ETAA1: variants seen among roughly 807,000 people sequenced by gnomAD.
ETAA1 encodes the protein ETAA1 activator of ATR kinase, also known as ewing's tumor-associated antigen 1.
ETAA1 carries 49 observed loss-of-function variants against 76.8 expected under a neutral mutation model. That is an observed-to-expected ratio of 0.64 (90% CI 0.51 to 0.81). ETAA1 has a LOEUF of 0.81. Among genes scored for constraint, ETAA1 ranks in the 30% least tolerant of loss-of-function variants. The pLI is 0.00. For missense variants in ETAA1, 1,099 were observed against 1,074.0 expected (o/e 1.02, Z -0.32); for synonymous variants, 373 against 372.2 (o/e 1.00, Z -0.03).
At chr2:67,398,065 C>T (rs964346472) in intron 1 of ETAA1, among the ~76,000 whole-genome samples, 3 of 152,106 alleles carry the variant, frequency 2.0e-5, no homozygotes, top group African/African-American at 4.8e-5. Context: ...TCCCTGTGAC[C>T]TGCTTTAGAG....
At chr2:67,407,217 T>TA (rs1676244045) in intron 5 of ETAA1, among the ~76,000 whole-genome samples, 1 of 137,056 alleles carries the variant, frequency 7.3e-6, no homozygotes, top group Non-Finnish European at 1.6e-5. Context: ...ACACATAAGA[T>TA]ACACTGACAC....
At position 67,410,179 on chromosome 2, in the gene ETAA1, A is replaced by G. The variant is rs955513269; in HGVS notation, c.*141A>G. 3 of 738,222 alleles carry G rather than the reference A, an allele frequency of 4.1e-6. No homozygotes were observed. The highest frequency in any genetic ancestry group is 2.8e-5 in the East Asian group (1 of 36,076). 45.7% of individuals were successfully genotyped at this position (738,222 alleles called of 1,614,324 possible). A position where few individuals can be genotyped will look rare whatever the true frequency, so the allele number is the denominator to read the frequency against. ...GACTTCTACTTTATTTAATAAATCAATGTTTGCAATGGTAAATGAAACATT... is the reference window on the plus strand; with the variant it reads ...GACTTCTACTTTATTTAATAAATCAGTGTTTGCAATGGTAAATGAAACATT... On this transcript the variant is annotated 3_prime_UTR_variant, in exon 6 of 6. Coordinates refer to ENST00000272342, the MANE Select transcript of ETAA1 (RefSeq NM_019002.4).
chr2:67,400,236 T>G (rs1348771155), intron 3 of ETAA1: 2 of 152,252 alleles, frequency 1.3e-5, no homozygotes, highest in African/African-American at 2.4e-5. Context: ...AGAATTAAAC[T>G]AGATAAAAAT....
rs927506566 is a variant in ETAA1 at position 67,412,041 on chromosome 2, T to G, written c.*2003T>G. 3.3e-5 allele frequency: 5 copies of G among 152,016 alleles called. No homozygotes were observed. Among genetic ancestry groups the G allele is most frequent in the African/African-American group, 7.2e-5 (3 of 41,408 alleles). The allele number at this position is 152,016 out of a possible 1,614,324, so 9.4% of individuals were successfully genotyped here. On this transcript the variant is annotated 3_prime_UTR_variant, in exon 6 of 6. Coordinates refer to ENST00000272342, the MANE Select transcript of ETAA1 (RefSeq NM_019002.4). ...TTCTCTCTGATCATAATGGTACTAA[T>G]TATTGTGTCTTTCATTGAGCAATAC...
chr2:67,397,354 C>A lies in ETAA1; in HGVS notation c.-95C>A. ...CCCCACCGACCAAAATGGCGGCTGCCGTTGGTGCGGGGTGCGGTTTGTAGT... is the reference window on the plus strand; with the variant it reads ...CCCCACCGACCAAAATGGCGGCTGCAGTTGGTGCGGGGTGCGGTTTGTAGT... On this transcript the variant is annotated 5_prime_UTR_variant, in exon 1 of 6. Coordinates refer to ENST00000272342, the MANE Select transcript of ETAA1 (RefSeq NM_019002.4). The A allele has an allele frequency of 7.6e-7, 1 of 1,316,154 alleles. No individual in the cohort carries two copies. Among genetic ancestry groups the A allele is most frequent in the Non-Finnish European group, 1.1e-6 (1 of 935,314 alleles). 81.5% of individuals were successfully genotyped at this position (1,316,154 alleles called of 1,614,324 possible). A position where few individuals can be genotyped will look rare whatever the true frequency, so the allele number is the denominator to read the frequency against.
In ETAA1 at chr2:67,403,963, G is replaced by A. The variant is rs148395449; in HGVS notation, c.1281G>A (p.Thr427=). Residue 427 remains threonine (T), a synonymous_variant, in exon 5 of 6, where the codon ACG becomes ACA. Coordinates refer to ENST00000272342, the MANE Select transcript of ETAA1 (RefSeq NM_019002.4). ...CTFNSKTVKN[T]SRANTSPDAR... ...TTAATAGTAAAACTGTTAAAAATAC[G>A]TCAAGAGCAAATACAAGTCCAGATG... 228 of 1,608,742 alleles carry A rather than the reference G, an allele frequency of 1.4e-4. No homozygotes were observed. The highest frequency in any genetic ancestry group is 1.8e-4 in the Non-Finnish European group (207 of 1,178,232).
chr2:67,411,398 T>G lies in ETAA1; in HGVS notation c.*1360T>G, dbSNP rs1676365736. Reference sequence around the variant, plus strand: ...AACCCATCATGAGTTGAAAATACCTTAAGTTAAAAATGCATTTACTACACT... The same window carrying G: ...AACCCATCATGAGTTGAAAATACCTGAAGTTAAAAATGCATTTACTACACT... On this transcript the variant is annotated 3_prime_UTR_variant, in exon 6 of 6. Coordinates refer to ENST00000272342, the MANE Select transcript of ETAA1 (RefSeq NM_019002.4). 2 of 152,080 alleles carry G rather than the reference T, an allele frequency of 1.3e-5. No individual in the cohort carries two copies. The allele number at this position is 152,080 out of a possible 1,614,324, so 9.4% of individuals were successfully genotyped here.
Position 67,411,089 on chromosome 2 carries a change from T to C in ETAA1, c.*1051T>C, listed in dbSNP as rs1277149399. The stretch of plus-strand genomic sequence containing the variant: ...AATTAATTTACTTAGTTGACTCATC[T>C]TTTCTTCTCTATTACTGTTTTGTTT... On this transcript the variant is annotated 3_prime_UTR_variant, in exon 6 of 6. Coordinates refer to ENST00000272342, the MANE Select transcript of ETAA1 (RefSeq NM_019002.4). 6.6e-6 allele frequency: 1 copy of C among 152,096 alleles called. No homozygotes were observed. The highest frequency in any genetic ancestry group is 2.4e-5 in the African/African-American group (1 of 41,432). The allele number at this position is 152,096 out of a possible 1,614,324, so 9.4% of individuals were successfully genotyped here. A position where few individuals can be genotyped will look rare whatever the true frequency, so the allele number is the denominator to read the frequency against.
intron 4 of ETAA1, 67 bp from the exon 5 acceptor site, chr2:67,403,158 A>G: frequency 3.3e-6 from 4 of 1,211,486 alleles, no homozygotes; most frequent in Non-Finnish European, 3.4e-6. Flanking sequence ...ACATCAAAAT[A>G]TGTTAAATAA....
chr2:67,398,058 C>T (rs911267053), intron 1 of ETAA1, among the ~76,000 whole-genome samples: 6 of 152,038 alleles, frequency 3.9e-5, no homozygotes, highest in Non-Finnish European at 8.8e-5. Flanking sequence ...CTTTTTTTCC[C>T]TGTGACCTGC....
chr2:67,398,191 C>A (rs920694141), intron 1 of ETAA1, among the ~76,000 whole-genome samples: 3 of 151,798 alleles, frequency 2.0e-5, no homozygotes, highest in African/African-American at 4.8e-5. Context: ...TACTAAGGAT[C>A]TCTTTCGTCT....
Position 67,399,634 on chromosome 2 carries a change from T to A in ETAA1, c.429+8T>A. On this transcript the variant is annotated splice_region_variant and intron_variant, in intron 3 of 5. Transcript: ENST00000272342. Reference sequence around the variant, plus strand: ...AATCGTATTGCTCCTCAGGTAAATATCACTAGTTTTACAGTTTGTTTTAAA... The same window carrying A: ...AATCGTATTGCTCCTCAGGTAAATAACACTAGTTTTACAGTTTGTTTTAAA... 6.4e-7 allele frequency: 1 copy of A among 1,571,852 alleles called. No individual in the cohort carries two copies. Among genetic ancestry groups the A allele is most frequent in the Non-Finnish European group, 8.7e-7 (1 of 1,147,556 alleles).
chr2:67,399,026 G>A lies in ETAA1; in HGVS notation c.224-143G>A, dbSNP rs1018885207. On this transcript the variant is annotated intron_variant, in intron 1 of 5. Coordinates refer to ENST00000272342, the MANE Select transcript of ETAA1 (RefSeq NM_019002.4). ...ATTTTTATGTGAAACAAGCATTTCT[G>A]TTACGGTTCAGGTAATTATCTCTGG... is the stretch of plus-strand genomic sequence containing the variant. The A allele has an allele frequency of 1.7e-5, 12 of 704,756 alleles. No individual in the cohort carries two copies. The African/African-American group carries it at 2.2e-4, about 13-fold the overall frequency. 43.7% of individuals were successfully genotyped at this position (704,756 alleles called of 1,614,324 possible). A position where few individuals can be genotyped will look rare whatever the true frequency, so the allele number is the denominator to read the frequency against.
chr2:67,399,742 A>G, intron 3 of ETAA1, 116 bp downstream of exon 3: 1 of 624,174 alleles, frequency 1.6e-6, no homozygotes, highest in Non-Finnish European at 2.6e-6. Context: ...TCCAAAAATA[A>G]GGCAGCAAAG....
chr2:67,404,906 A>G lies in ETAA1; in HGVS notation c.2224A>G (p.Ile742Val), dbSNP rs767050607. 6 of 1,613,124 alleles carry G rather than the reference A, an allele frequency of 3.7e-6. No individual in the cohort carries two copies. In the Admixed American group the frequency reaches 1.0e-4, roughly 27 times the overall value. Residue 742 changes from isoleucine (I) to valine (V), a missense_variant, in exon 5 of 6, where the codon ATC (isoleucine) becomes GTC (valine). Ile to Val is a conservative substitution (Grantham distance 29). Coordinates refer to ENST00000272342, the MANE Select transcript of ETAA1 (RefSeq NM_019002.4). ...GATNLTMYSKISNCQINNLHV... is the reference protein window; with the variant it reads ...GATNLTMYSKVSNCQINNLHV... ...CACAAATTTGACTATGTATTCTAAG[A>G]TCTCAAACTGTCAGATAAATAATCT...
chr2:67,407,003 C>T (rs903765130), intron 5 of ETAA1, among the ~76,000 whole-genome samples: 54 of 151,962 alleles, frequency 3.6e-4, no homozygotes, highest in African/African-American at 1.2e-3. Context: ...CATAAATTTC[C>T]GCATGCTTGT....
Position 67,403,988 on chromosome 2 carries a change from G to C in ETAA1, c.1306G>C (p.Ala436Pro), listed in dbSNP as rs1481536360. The C allele has an allele frequency of 6.2e-7, 1 of 1,608,340 alleles. No homozygotes were observed. Among genetic ancestry groups the C allele is most frequent in the Admixed American group, 1.7e-5 (1 of 58,660 alleles). ...GTCAAGAGCAAATACAAGTCCAGAT[G>C]CCAGGTTAGGAGATTCAAAAGTATT... is the stretch of plus-strand genomic sequence containing the variant. ...NTSRANTSPD[A>P]RLGDSKVLQD... Residue 436 changes from alanine to proline, a missense_variant, in exon 5 of 6, where the codon GCC becomes CCC. Transcript: ENST00000272342.
At chr2:67,401,563 T>C (rs1031580800) in intron 3 of ETAA1, 1 of 151,900 alleles carries the variant, frequency 6.6e-6, no homozygotes, top group Non-Finnish European at 1.5e-5. Flanking sequence ...TGAAAATCAA[T>C]AAATTATGTA....
rs1676186895 is a variant in ETAA1, at chr2:67,405,322, A to ACATTT, written c.2642_2643insTTTCA (p.Gln881HisfsTer40). ...TGGTGAAACTTTCTGAATCTTTGAAACAATCTTCAAAAGGTATGTATGAAA... is the reference window on the plus strand; with the variant it reads ...TGGTGAAACTTTCTGAATCTTTGAAACATTTCAATCTTCAAAAGGTATGTATGAAA... On this transcript the variant is annotated frameshift_variant, in exon 5 of 6. Transcript: ENST00000272342. LOFTEE classifies it high-confidence loss of function. The ACATTT allele has an allele frequency of 6.5e-7, 1 of 1,537,820 alleles. No homozygotes were observed.
Sources: allele counts gnomAD v4.1 joint callset (sites outside exome capture counted in the v4.1 genomes callset), GRCh38; gene constraint gnomAD v4.1.1; transcripts MANE v1.5; gene names NCBI Gene and HGNC (gene_info 2026-07-23, HGNC 2026-07-21).